The following CPT1A variants were observed in gnomAD, a reference collection of about 807,000 sequenced individuals.
CPT1A encodes carnitine palmitoyltransferase 1A, also known as carnitine O-palmitoyltransferase 1, liver isoform.
A neutral mutation model predicts 100.8 loss-of-function variants in CPT1A; 64 were observed. The observed-to-expected ratio is 0.63, with a 90% CI of 0.52 to 0.78. The LOEUF (loss-of-function observed/expected upper bound fraction) is 0.78, where lower values mean the gene tolerates loss of function less well. CPT1A is among the 30% of genes least tolerant of loss of function. The pLI, the probability that CPT1A is intolerant of heterozygous loss-of-function variation, is 0.00. For synonymous variants in CPT1A, 363 were observed against 396.0 expected, an observed-to-expected ratio of 0.92 and a Z score of 0.99; for missense variants, 802 against 1,034.1, an observed-to-expected ratio of 0.78 and a Z score of 3.08.
At position 68,779,182 on chromosome 11, in the gene CPT1A, G is replaced by C. The variant is rs569868029; in HGVS notation, c.1458+1458C>G. Among the ~76,000 whole-genome samples the C allele has an allele frequency of 1.8e-4, 28 of 152,202 alleles. No homozygotes were observed. In the East Asian group the frequency reaches 3.9e-3, roughly 21 times the overall value. On this transcript the variant is annotated intron_variant, in intron 12 of 18. Transcript: ENST00000265641. The stretch of plus-strand genomic sequence containing the variant: ...CAGCTGGGCCCTGTCTCCCACACAC[G>C]CCGTGACTTTCAGGTCATTTTATTC...
chr11:68,773,317 C>A lies in CPT1A; in HGVS notation c.1688G>T (p.Arg563Leu), dbSNP rs773729150. 5 of 1,613,964 alleles carry A rather than the reference C, an allele frequency of 3.1e-6. No homozygotes were observed. The highest frequency in any genetic ancestry group is 4.2e-6 in the Non-Finnish European group (5 of 1,180,036). ...CTGCACAAAGGCGTCTGGGCTCGTGCGACATTTCTTGATGATTCCTTTACC... is the reference window on the plus strand; with the variant it reads ...CTGCACAAAGGCGTCTGGGCTCGTGAGACATTTCTTGATGATTCCTTTACC... ...AFGKGIIKKC[R>L]TSPDAFVQLA... Residue 563 changes from arginine (R) to leucine (L), a missense_variant, in exon 14 of 19, where the codon CGC (arginine) becomes CTC (leucine). Physicochemically the swap from Arg to Leu is moderately radical, Grantham distance 102. This residue lies in a region of CPT1A where 627 missense variants were observed against 799.3 expected (regional missense o/e 0.78). Coordinates refer to ENST00000265641, the MANE Select transcript of CPT1A (RefSeq NM_001876.4).
intron 14 of CPT1A, among the ~76,000 whole-genome samples, chr11:68,772,290 T>C (rs948557653): frequency 5.9e-5 from 9 of 151,836 alleles, no homozygotes; most frequent in African/African-American, 2.2e-4. Context: ...GAGGTGGAGG[T>C]TGCAGTGAGC....
chr11:68,806,456 C>T (rs902334415), intron 4 of CPT1A, among the ~76,000 whole-genome samples: 3 of 151,890 alleles, frequency 2.0e-5, no homozygotes, highest in Non-Finnish European at 2.9e-5. Context: ...AACAAAACCC[C>T]GTCTCTATTA....
Position 68,812,595 on chromosome 11 carries a change from GCCGTGAGCGGTGT to G in CPT1A, c.142-32_142-20del. ...TGCCGTTCTAAAGACAGACACCCGGGCCGTGAGCGGTGTCCTCCCACAACCCACAGGGCAATGA... is the reference window on the plus strand; with the variant it reads ...TGCCGTTCTAAAGACAGACACCCGGGCCTCCCACAACCCACAGGGCAATGA... On this transcript the variant is annotated intron_variant, in intron 2 of 18. Transcript: ENST00000265641. 1 of 1,613,922 alleles carries G rather than the reference GCCGTGAGCGGTGT, an allele frequency of 6.2e-7. No individual in the cohort carries two copies. The highest frequency in any genetic ancestry group is 8.5e-7 in the Non-Finnish European group (1 of 1,179,904).
rs1302144049 is a variant in CPT1A, at chr11:68,775,372, C to T, written c.1519G>A (p.Asp507Asn). The change falls in exon 13 of 19, where the codon GAC (aspartate) becomes AAC (asparagine). Residue 507 changes from aspartate to asparagine, a missense_variant. By Grantham distance (23) the Asp-to-Asn change is conservative. Transcript: ENST00000265641. ...GYAEDGHCKGDINPNIPYPTR... is the reference protein window; with the variant it reads ...GYAEDGHCKGNINPNIPYPTR... The stretch of plus-strand genomic sequence containing the variant: ...GGGTACGGAATGTTCGGATTGATGT[C>T]GCCTTTGCAGTGCCCATCCTCCGCA... 9 of 1,614,222 alleles carry T rather than the reference C, an allele frequency of 5.6e-6. No homozygotes were observed. The highest frequency in any genetic ancestry group is 2.2e-5 in the East Asian group (1 of 44,886).
chr11:68,833,517 G>A (rs1856932127), intron 1 of CPT1A, among the ~76,000 whole-genome samples: 1 of 152,224 alleles, frequency 6.6e-6, no homozygotes, highest in Non-Finnish European at 1.5e-5. Context: ...AGCACTTTGG[G>A]AGGCCAAGGT....
intron 1 of CPT1A, among the ~76,000 whole-genome samples, chr11:68,817,585 G>GGGAAGAGCAGGCAAGAGCTGGAGGCA: frequency 6.6e-6 from 1 of 152,174 alleles, no homozygotes; most frequent in East Asian, 1.9e-4. Context: ...GAGCAACCAT[G>GGGAAGAGCAGGCAAGAGCTGGAGGCA]GGAAGAGCAG....
Position 68,773,426 on chromosome 11 carries a change from G to C in CPT1A, c.1579C>G (p.Gln527Glu). The C allele has an allele frequency of 6.2e-7, 1 of 1,613,902 alleles. No individual in the cohort carries two copies. Among genetic ancestry groups the C allele is most frequent in the Non-Finnish European group, 8.5e-7 (1 of 1,179,814 alleles). Reference sequence around the variant, plus strand: ...TTCAGGGAGGTCTCTATAACCTCTTGACACTTGAGAGAAAGAAGAAAAAGG... The same window carrying C: ...TTCAGGGAGGTCTCTATAACCTCTTCACACTTGAGAGAAAGAAGAAAAAGG... ...RLQWDIPGEC[Q>E]EVIETSLNTA... is the part of the protein sequence containing the mutation. Residue 527 changes from glutamine (Q) to glutamate (E), a missense_variant, in exon 14 of 19, where the codon CAA (glutamine) becomes GAA (glutamate). By Grantham distance (29) the Gln-to-Glu change is conservative. This residue lies in a region of CPT1A where 627 missense variants were observed against 799.3 expected (regional missense o/e 0.78). Transcript: ENST00000265641.
Position 68,815,621 on chromosome 11 carries a change from C to T in CPT1A, c.-13-134G>A, listed in dbSNP as rs1015306870. On this transcript the variant is annotated intron_variant, in intron 1 of 18. Transcript: ENST00000265641. ...TAACAGATTTAATACTTTTCATCAA[C>T]AGACCAATTCCATCACCACAGCTGG... 1.1e-5 allele frequency: 9 copies of T among 856,376 alleles called. No individual in the cohort carries two copies. The East Asian group carries it at 1.1e-4, about 10-fold the overall frequency. 53.0% of individuals were successfully genotyped at this position (856,376 alleles called of 1,614,324 possible). A position where few individuals can be genotyped will look rare whatever the true frequency, so the allele number is the denominator to read the frequency against.
At chr11:68,792,609 C>T (rs1254952840) in intron 9 of CPT1A, among the ~76,000 whole-genome samples, 2 of 152,216 alleles carry the variant, frequency 1.3e-5, no homozygotes, top group African/African-American at 4.8e-5. Context: ...TGGACGGTGG[C>T]TTACGTGGCC....
At position 68,758,929 on chromosome 11, in the gene CPT1A, GT is replaced by G. The variant is rs535923210; in HGVS notation, c.2235+639del. On this transcript the variant is annotated intron_variant, in intron 18 of 18. Coordinates refer to ENST00000265641, the MANE Select transcript of CPT1A (RefSeq NM_001876.4). ...CACCGTGCCTGGCTGAGATACATTT[GT>G]TTAAAACTAGGTAAAGAGAATTTTG... 3.3e-3 allele frequency among the ~76,000 whole-genome samples: 508 copies of G among 151,912 alleles called. 3 individuals carry two copies. Among genetic ancestry groups the G allele is most frequent in the African/African-American group, 0.011 (467 of 41,456 alleles).
chr11:68,765,960 C>T (rs1854785849), intron 14 of CPT1A, among the ~76,000 whole-genome samples: 1 of 151,788 alleles, frequency 6.6e-6, no homozygotes, highest in African/African-American at 2.4e-5. Context: ...CAACCTCTGC[C>T]TACCGGGTTC....
intron 9 of CPT1A, among the ~76,000 whole-genome samples, chr11:68,788,401 T>G (rs1484768075): frequency 6.6e-6 from 1 of 151,850 alleles, no homozygotes; most frequent in African/African-American, 2.4e-5. Flanking sequence ...GAGTTTGAGA[T>G]CAGCCTGGCC....
intron 4 of CPT1A, among the ~76,000 whole-genome samples, chr11:68,806,586 C>T (rs912528360): frequency 4.0e-5 from 6 of 150,932 alleles, no homozygotes; most frequent in African/African-American, 1.5e-4. Flanking sequence ...CGTGATGGTG[C>T]CACTATACTC....
At chr11:68,792,559 C>G (rs1855646249) in intron 9 of CPT1A, among the ~76,000 whole-genome samples, 1 of 152,210 alleles carries the variant, frequency 6.6e-6, no homozygotes, top group Non-Finnish European at 1.5e-5. Flanking sequence ...CCCCACGGTG[C>G]CTGTTCTCCC....
chr11:68,788,279 A>G (rs1428806509), intron 9 of CPT1A, among the ~76,000 whole-genome samples: 1 of 152,204 alleles, frequency 6.6e-6, no homozygotes, highest in African/African-American at 2.4e-5. Flanking sequence ...GGAGAAAAGT[A>G]TGACATTTTA....
intron 1 of CPT1A, among the ~76,000 whole-genome samples, chr11:68,838,582 A>AAAACAAACAAAC (rs1555235334): frequency 6.9e-6 from 1 of 145,290 alleles, no homozygotes; most frequent in African/African-American, 2.6e-5. Flanking sequence ...TAAAAAAAAA[A>AAAACAAACAAAC]AAAAAAAAAC....
At chr11:68,843,568 T>A (rs144589594), upstream of CPT1A, among the ~76,000 whole-genome samples, 18 of 152,236 alleles carry the variant, frequency 1.2e-4, no homozygotes, top group Non-Finnish European at 1.8e-4. The surrounding 1 kb of genome is among the most constrained non-coding windows in gnomAD (Gnocchi z 4.0). Context: ...GGGCCCTGTC[T>A]CCGATTATGG....
intron 6 of CPT1A, 85 bp downstream of exon 6, chr11:68,799,133 T>A: frequency 7.7e-7 from 1 of 1,307,068 alleles, no homozygotes; most frequent in Non-Finnish European, 1.1e-6. Context: ...CAAACTGTCA[T>A]TTCAGCCCTG....
Sources: allele counts gnomAD v4.1 joint callset (sites outside exome capture counted in the v4.1 genomes callset), GRCh38; gene constraint gnomAD v4.1.1; regional missense constraint gnomAD v4.1.1; non-coding constraint Gnocchi (gnomAD v3.1); transcripts MANE v1.5; gene names NCBI Gene and HGNC (gene_info 2026-07-23, HGNC 2026-07-21).